The following ACAD11 variants were observed in gnomAD, a reference collection of about 807,000 sequenced individuals.
The protein encoded by ACAD11 is acyl-Coenzyme A dehydrogenase family, member 11.
In ACAD11, 83 loss-of-function variants were observed where a neutral mutation model predicts 102.2. The ratio of observed to expected loss-of-function variants is 0.81; its 90% CI spans 0.68 to 0.97. ACAD11 has a LOEUF of 0.97. Ranked by LOEUF, ACAD11 falls within the 50% of genes least tolerant of loss-of-function variation. ACAD11 has a pLI of 0.00. For missense variants in ACAD11, 901 were observed against 951.7 expected (o/e 0.95, Z 0.70); for synonymous variants, 324 against 319.8 (o/e 1.01, Z -0.14).
At chr3:132,636,556 C>T (rs951087133) in intron 5 of ACAD11, among the ~76,000 whole-genome samples, 5 of 152,112 alleles carry the variant, frequency 3.3e-5, no homozygotes, top group Non-Finnish European at 5.9e-5. Context: ...AAGGTTATTA[C>T]ACATAATTGA....
intron 5 of ACAD11, among the ~76,000 whole-genome samples, chr3:132,633,202 C>T (rs1251476006): frequency 2.6e-5 from 4 of 152,158 alleles, no homozygotes; most frequent in Non-Finnish European, 5.9e-5. Context: ...ATGATATTGG[C>T]TGTGGGTTTG....
intron 5 of ACAD11, among the ~76,000 whole-genome samples, chr3:132,638,013 A>G (rs1035439967): frequency 5.3e-5 from 8 of 152,178 alleles, no homozygotes; most frequent in African/African-American, 1.9e-4. Context: ...GTTTTCGTAC[A>G]TATTATGAAG....
rs78815108 is a variant in ACAD11, at chr3:132,601,958, T to TAA, written c.1621+1269_1621+1270dup. 2.3e-3 allele frequency: 397 copies of TAA among 175,052 alleles called. 2 individuals carry two copies. The highest frequency in any genetic ancestry group is 8.6e-3 in the African/African-American group (354 of 41,118). 10.8% of individuals were successfully genotyped at this position (175,052 alleles called of 1,614,324 possible). A position where few individuals can be genotyped will look rare whatever the true frequency, so the allele number is the denominator to read the frequency against. On this transcript the variant is annotated intron_variant, in intron 13 of 19. Transcript: ENST00000264990. ...ATAATAATTTCAAAATAAAACAAGT[T>TAA]AAAAAAAAACCCACTATGCTATAAG...
At chr3:132,630,255 T>C (rs1939982179) in intron 7 of ACAD11, among the ~76,000 whole-genome samples, 182 bp downstream of exon 7, 1 of 152,224 alleles carries the variant, frequency 6.6e-6, no homozygotes, top group Non-Finnish European at 1.5e-5. Context: ...ACTCAAATTT[T>C]TTCCTTGCCA....
chr3:132,578,242 C>T (rs1370165991), intron 15 of ACAD11, among the ~76,000 whole-genome samples: 2 of 152,118 alleles, frequency 1.3e-5, no homozygotes, highest in Non-Finnish European at 2.9e-5. Context: ...CAAATACTTG[C>T]TGAGAGGGTG....
At chr3:132,641,740 A>G (rs553995587) in intron 4 of ACAD11, among the ~76,000 whole-genome samples, 7 of 152,190 alleles carry the variant, frequency 4.6e-5, no homozygotes, top group Admixed American at 2.6e-4. Context: ...AAAAAACTGT[A>G]TAGTTAAAAG....
chr3:132,643,236 G>C (rs1463287407), intron 2 of ACAD11, among the ~76,000 whole-genome samples: 1 of 152,168 alleles, frequency 6.6e-6, no homozygotes, highest in Non-Finnish European at 1.5e-5. Flanking sequence ...AGAGCTGGGG[G>C]TGAGAGGTGA....
chr3:132,641,982 C>T lies in ACAD11; in HGVS notation c.527G>A (p.Cys176Tyr), dbSNP rs1479797552. 1.9e-6 allele frequency: 3 copies of T among 1,600,372 alleles called. No individual in the cohort carries two copies. Among genetic ancestry groups the T allele is most frequent in the South Asian group, 1.1e-5 (1 of 88,858 alleles). Residue 176 changes from cysteine to tyrosine, a missense_variant, in exon 4 of 20, where the codon TGC becomes TAC. Cys to Tyr is a radical substitution (Grantham distance 194, BLOSUM62 -2). Coordinates refer to ENST00000264990, the MANE Select transcript of ACAD11 (RefSeq NM_032169.5). ...LEGYGIGAGY[C>Y]KRQVSTWTKQ... Reference sequence around the variant, plus strand: ...ATGTGGATGCATTACCTGTCTTTTGCAGTACCCAGCACCTATACCATATCC... The same window carrying T: ...ATGTGGATGCATTACCTGTCTTTTGTAGTACCCAGCACCTATACCATATCC...
At chr3:132,562,606 A>G (rs1326199458) in intron 17 of ACAD11, among the ~76,000 whole-genome samples, 1 of 152,176 alleles carries the variant, frequency 6.6e-6, no homozygotes, top group African/African-American at 2.4e-5. Context: ...AGCACTTAGT[A>G]TCATATTTTA....
chr3:132,658,927 A>G (rs1365078914), intron 1 of ACAD11, among the ~76,000 whole-genome samples: 2 of 152,226 alleles, frequency 1.3e-5, no homozygotes, highest in Non-Finnish European at 2.9e-5. Context: ...AAACTCCCAG[A>G]CAGCAAGTGA....
Position 132,616,400 on chromosome 3 carries a change from C to G in ACAD11, c.1414+2234G>C, listed in dbSNP as rs142747888. ...AGAAGTCTTTGGTAGGATTATTTTT[C>G]ATATTATGATCCATTAGTGCATCAT... On this transcript the variant is annotated intron_variant, in intron 11 of 19. Coordinates refer to ENST00000264990, the MANE Select transcript of ACAD11 (RefSeq NM_032169.5). 5.4e-4 allele frequency among the ~76,000 whole-genome samples: 82 copies of G among 152,248 alleles called. No individual in the cohort carries two copies. In the East Asian group the frequency reaches 9.8e-3, roughly 18 times the overall value.
At chr3:132,590,396 T>C (rs1395779222) in intron 13 of ACAD11, among the ~76,000 whole-genome samples, 1 of 152,162 alleles carries the variant, frequency 6.6e-6, no homozygotes, top group African/African-American at 2.4e-5. Context: ...TAGCTGGGAT[T>C]ACAGGCATGG....
intron 13 of ACAD11, among the ~76,000 whole-genome samples, chr3:132,584,654 T>C (rs919595707): frequency 6.6e-6 from 1 of 152,236 alleles, no homozygotes; most frequent in Admixed American, 6.5e-5. Flanking sequence ...CTTCCTAGCC[T>C]CGATGGTCTT....
chr3:132,610,864 C>T (rs985914383), intron 11 of ACAD11, among the ~76,000 whole-genome samples: 9 of 152,196 alleles, frequency 5.9e-5, no homozygotes, highest in Non-Finnish European at 1.0e-4. Flanking sequence ...TCCTCCCTAA[C>T]TCATTTTATG....
intron 11 of ACAD11, among the ~76,000 whole-genome samples, chr3:132,607,065 A>G (rs1212176360): frequency 6.6e-6 from 1 of 152,124 alleles, no homozygotes; most frequent in Non-Finnish European, 1.5e-5. Context: ...AAACTAACAA[A>G]CAGGAATAGC....
At chr3:132,618,215 G>A (rs1329540339) in intron 11 of ACAD11, 1 of 161,916 alleles carries the variant, frequency 6.2e-6, no homozygotes, top group Non-Finnish European at 1.3e-5. Flanking sequence ...TGAGAACATA[G>A]AACACTGCTC....
intron 5 of ACAD11, among the ~76,000 whole-genome samples, chr3:132,633,148 T>C (rs923108104): frequency 6.6e-6 from 1 of 152,254 alleles, no homozygotes. Context: ...CCCTATCTTG[T>C]GCCAGTTTTC....
intron 4 of ACAD11, among the ~76,000 whole-genome samples, chr3:132,640,542 T>G (rs2107882401): frequency 6.6e-6 from 1 of 152,306 alleles, no homozygotes; most frequent in Non-Finnish European, 1.5e-5. Context: ...CCATATTGTT[T>G]ATTTGCTTTT....
At chr3:132,625,892 C>T (rs917812642) in intron 9 of ACAD11, among the ~76,000 whole-genome samples, 25 of 152,232 alleles carry the variant, frequency 1.6e-4, no homozygotes, top group African/African-American at 6.0e-4. Flanking sequence ...ACTGAGGCCA[C>T]GCAAGACCAT....
Sources: gnomAD v4.1 joint callset for allele counts (sites outside exome capture counted in the v4.1 genomes callset) on GRCh38, gnomAD v4.1.1 for gene constraint, MANE v1.5 for transcripts, NCBI Gene and HGNC (gene_info 2026-07-23, HGNC 2026-07-21) for gene names.